Variants in KATNIP observed in about 807,000 individuals in gnomAD.
KATNIP encodes the protein katanin-interacting protein.
KATNIP carries 126 observed loss-of-function variants against 174.0 expected under a neutral mutation model. That is an observed-to-expected ratio of 0.72 (90% CI 0.63 to 0.84). The LOEUF (loss-of-function observed/expected upper bound fraction) is 0.84. KATNIP is among the 40% of genes least tolerant of loss of function. The probability of loss-of-function intolerance (pLI) is 0.00; values close to 1 mark genes in which losing one functional copy is unlikely to be tolerated. For missense variants in KATNIP, 1,958 were observed against 2,109.7 expected, an observed-to-expected ratio of 0.93 and a Z score of 1.41; for synonymous variants, 810 against 835.7, an observed-to-expected ratio of 0.97 and a Z score of 0.53.
chr16:27,622,564 C>A (rs982654763), intron 3 of KATNIP, among the ~76,000 whole-genome samples: 2 of 152,182 alleles, frequency 1.3e-5, no homozygotes, highest in East Asian at 3.9e-4. Flanking sequence ...CTGTAATATA[C>A]ACCTCTAGAC....
chr16:27,616,233 G>A (rs987047036), intron 2 of KATNIP, among the ~76,000 whole-genome samples: 1 of 152,116 alleles, frequency 6.6e-6, no homozygotes, highest in Non-Finnish European at 1.5e-5. Flanking sequence ...TTAGCTGGGT[G>A]TGGTGGCACA....
At chr16:27,746,909 C>T (rs1419783579) in intron 15 of KATNIP, among the ~76,000 whole-genome samples, 1 of 152,180 alleles carries the variant, frequency 6.6e-6, no homozygotes, top group Non-Finnish European at 1.5e-5. Flanking sequence ...ACAATGCCAG[C>T]TAGAGGGGTT....
At position 27,590,324 on chromosome 16, in the gene KATNIP, T is replaced by TTTTC. The variant is rs1019216503; in HGVS notation, c.63+16384_63+16387dup. ...TATGATTTCCTGTTTCCTATTTTCTTTTTCTTTCTTTCTTTCTTTTTTTTT... is the reference window on the plus strand; with the variant it reads ...TATGATTTCCTGTTTCCTATTTTCTTTTTCTTTCTTTCTTTCTTTCTTTTTTTTT... On this transcript the variant is annotated intron_variant, in intron 2 of 27. Coordinates refer to ENST00000261588, the MANE Select transcript of KATNIP (RefSeq NM_015202.5). 2.6e-5 allele frequency among the ~76,000 whole-genome samples: 4 copies of TTTTC among 151,980 alleles called. No homozygotes were observed. The East Asian group carries it at 5.8e-4, about 22-fold the overall frequency.
rs974676974 is a variant in KATNIP, at chr16:27,761,467, C to G, written c.3686C>G (p.Thr1229Ser). The change falls in exon 19 of 28, where the codon ACT becomes AGT. Residue 1229 changes from threonine (T) to serine (S), a missense_variant. Transcript: ENST00000261588. Reference sequence around the variant, plus strand: ...GGAGACTTGCACTACCTGGGGCTCACTGGCCTGGAAGTGGTGGGCAAGGAG... The same window carrying G: ...GGAGACTTGCACTACCTGGGGCTCAGTGGCCTGGAAGTGGTGGGCAAGGAG... ...SWGDLHYLGL[T>S]GLEVVGKEGQ... The G allele has an allele frequency of 8.7e-6, 14 of 1,614,128 alleles. No homozygotes were observed. Among genetic ancestry groups the G allele is most frequent in the Non-Finnish European group, 1.2e-5 (14 of 1,180,030 alleles).
intron 19 of KATNIP, among the ~76,000 whole-genome samples, chr16:27,763,083 A>C (rs2082006030): frequency 6.6e-6 from 1 of 152,136 alleles, no homozygotes; most frequent in Non-Finnish European, 1.5e-5. Context: ...TGGGAGGCCA[A>C]GATAGAAGGA....
rs1365746632 is a variant in KATNIP at position 27,776,877 on chromosome 16, G to A, written c.4450-51G>A. 2 of 1,364,826 alleles carry A rather than the reference G, an allele frequency of 1.5e-6. No homozygotes were observed. The highest frequency in any genetic ancestry group is 3.4e-5 in the Admixed American group (2 of 59,140). The allele number at this position is 1,364,826 out of a possible 1,614,324, so 84.5% of individuals were successfully genotyped here. ...CGCCTGGCACCCCCAGCCCAGCCAA[G>A]CGCCTCTGTTTCCAAACATGCCTGT... On this transcript the variant is annotated intron_variant, in intron 24 of 27. Transcript: ENST00000261588. The surrounding 1 kb of genome is among the most constrained non-coding windows in gnomAD (Gnocchi z 4.7).
intron 19 of KATNIP, among the ~76,000 whole-genome samples, chr16:27,761,889 G>C (rs535271468): frequency 6.6e-6 from 1 of 152,140 alleles, no homozygotes; most frequent in East Asian, 1.9e-4. Context: ...TTAGCAGAGC[G>C]TCTCGCACAC....
chr16:27,559,755 C>T (rs1011455265), intron 1 of KATNIP, among the ~76,000 whole-genome samples: 26 of 150,424 alleles, frequency 1.7e-4, no homozygotes, highest in Admixed American at 7.3e-4. Flanking sequence ...CCGAGGCAGG[C>T]GGATCACTTG....
chr16:27,753,748 T>A (rs1329879809), intron 17 of KATNIP, among the ~76,000 whole-genome samples: 2 of 123,126 alleles, frequency 1.6e-5, no homozygotes, highest in Non-Finnish European at 1.7e-5. Flanking sequence ...CCTCCCTCCC[T>A]CCTTCCTTCT....
chr16:27,709,951 G>T (rs1452271228), intron 13 of KATNIP, among the ~76,000 whole-genome samples: 1 of 152,190 alleles, frequency 6.6e-6, no homozygotes, highest in Non-Finnish European at 1.5e-5. Context: ...AGGTAGTGGA[G>T]CCAAGTTCAT....
chr16:27,566,223 A>G (rs2090083314), intron 1 of KATNIP, among the ~76,000 whole-genome samples: 5 of 152,170 alleles, frequency 3.3e-5, no homozygotes, highest in Admixed American at 1.3e-4. Flanking sequence ...TGCAAACACT[A>G]TAGGTAGAAG....
intron 8 of KATNIP, among the ~76,000 whole-genome samples, chr16:27,684,262 A>C (rs1216904592): frequency 1.3e-5 from 2 of 152,106 alleles, no homozygotes; most frequent in African/African-American, 2.4e-5. Flanking sequence ...AATCTGTCCA[A>C]GATCACACAG....
At chr16:27,652,388 C>G (rs77664834) in intron 6 of KATNIP, among the ~76,000 whole-genome samples, 2 of 152,178 alleles carry the variant, frequency 1.3e-5, no homozygotes, top group African/African-American at 2.4e-5. Flanking sequence ...GGGAAACCAT[C>G]ATACCTGTTT....
Position 27,677,852 on chromosome 16 carries a change from C to G in KATNIP, c.664C>G (p.Leu222Val), listed in dbSNP as rs749806598. The change falls in exon 7 of 28, where the codon CTG becomes GTG. Residue 222 changes from leucine to valine, a missense_variant. By Grantham distance (32) the Leu-to-Val change is conservative. Coordinates refer to ENST00000261588, the MANE Select transcript of KATNIP (RefSeq NM_015202.5). ...TGAGCCTGAGCCAGAGGACCCGGCA[C>G]TGGTGGGCCATCCCAGACATGACCG... ...LSEPEPEDPA[L>V]VGHPRHDRPP... 4 of 1,614,254 alleles carry G rather than the reference C, an allele frequency of 2.5e-6. No individual in the cohort carries two copies. Among genetic ancestry groups the G allele is most frequent in the Non-Finnish European group, 8.5e-7 (1 of 1,180,046 alleles).
chr16:27,691,583 G>A (rs1253944443), intron 8 of KATNIP, among the ~76,000 whole-genome samples: 1 of 152,258 alleles, frequency 6.6e-6, no homozygotes, highest in African/African-American at 2.4e-5. Context: ...CGGTGTGAGG[G>A]AGTGCACAGA....
chr16:27,761,698 C>T, intron 19 of KATNIP, 108 bp downstream of exon 19: 1 of 966,936 alleles, frequency 1.0e-6, no homozygotes, highest in African/African-American at 1.6e-5. Flanking sequence ...ATATGTCCCT[C>T]CCCTGGCCAC....
chr16:27,706,455 C>A (rs537733264), intron 12 of KATNIP, among the ~76,000 whole-genome samples: 160 of 152,232 alleles, frequency 1.1e-3, no homozygotes, highest in African/African-American at 3.6e-3. Context: ...AGAAAAGAGA[C>A]GCCGTGGCTT....
At chr16:27,642,603 G>A (rs1263593277) in intron 5 of KATNIP, among the ~76,000 whole-genome samples, 1 of 152,022 alleles carries the variant, frequency 6.6e-6, no homozygotes, top group Non-Finnish European at 1.5e-5. Context: ...CCCTAGCGCC[G>A]AGGGTAACAC....
Position 27,736,924 on chromosome 16 carries a change from G to A in KATNIP, c.1744-3117G>A, listed in dbSNP as rs926753683. Among the ~76,000 whole-genome samples, 13 of 152,292 alleles carry A rather than the reference G, an allele frequency of 8.5e-5. No homozygotes were observed. In the South Asian group the frequency reaches 1.2e-3, roughly 15 times the overall value. On this transcript the variant is annotated intron_variant, in intron 14 of 27. Transcript: ENST00000261588. ...CGGGCAAGGAGGTCAGCTCCAGGGC[G>A]TGTTCTGGAGAGAGAGCCGAGGGAC...
Sources: allele counts gnomAD v4.1 joint callset (sites outside exome capture counted in the v4.1 genomes callset), GRCh38; gene constraint gnomAD v4.1.1; non-coding constraint Gnocchi (gnomAD v3.1); transcripts MANE v1.5; gene names NCBI Gene and HGNC (gene_info 2026-07-23, HGNC 2026-07-21).